Variants in TENM3 observed in about 807,000 individuals in gnomAD.
The protein encoded by TENM3 is teneurin transmembrane protein 3, also known as teneurin-3.
Under a neutral mutation model 255.1 loss-of-function variants are expected in TENM3, and 63 were observed. The ratio of observed to expected loss-of-function variants is 0.25; its 90% confidence interval spans 0.20 to 0.30. The LOEUF is 0.30. Ranked by LOEUF, TENM3 falls within the 10% of genes least tolerant of loss-of-function variation. The pLI, the probability that TENM3 is intolerant of heterozygous loss-of-function variation, is 1.00. For synonymous variants in TENM3, 1,306 were observed against 1,322.3 expected, an observed-to-expected ratio of 0.99 and a Z score of 0.27; for missense variants, 2,929 against 3,461.1, an observed-to-expected ratio of 0.85 and a Z score of 3.86.
At chr4:181,603,125 G>T in the TENM3 span, among the ~76,000 whole-genome samples, 3 of 152,170 alleles carry the variant, frequency 2.0e-5, no homozygotes, top group African/African-American at 7.2e-5. Context: ...CCTAGGAAAT[G>T]AAGAGGCTCT....
chr4:181,803,456 G>T, the TENM3 span, among the ~76,000 whole-genome samples: 82 of 152,296 alleles, frequency 5.4e-4, no homozygotes, highest in Non-Finnish European at 5.9e-5. Flanking sequence ...GCCTTGAAAT[G>T]ATATTGAACG....
chr4:181,519,550 A>G, the TENM3 span, among the ~76,000 whole-genome samples: 1 of 152,224 alleles, frequency 6.6e-6, no homozygotes, highest in African/African-American at 2.4e-5. Flanking sequence ...TGCTATGATT[A>G]CGATTACTTA....
chr4:182,264,822 A>G (rs1199507507), intron 1 of TENM3, among the ~76,000 whole-genome samples: 1 of 152,214 alleles, frequency 6.6e-6, no homozygotes, highest in African/African-American at 2.4e-5. Flanking sequence ...TTTAAAGAGC[A>G]CTATGGTTAA....
Position 182,793,652 on chromosome 4 carries a change from ACT to A in TENM3, c.6983_6984del (p.Ser2328Ter). The stretch of plus-strand genomic sequence containing the variant: ...ACTGCATATGGGGAAATCTATTTTG[ACT>A]CTAATATTGACTTTCAACTGGTAAT... On this transcript the variant is annotated frameshift_variant, in exon 26 of 28. Coordinates refer to ENST00000511685, the MANE Select transcript of TENM3 (RefSeq NM_001080477.4). LOFTEE classifies it high-confidence loss of function. This position sits in a 1 kb window ranked among gnomAD's most constrained non-coding sequence, Gnocchi z 5.7. 1 of 1,613,820 alleles carries A rather than the reference ACT, an allele frequency of 6.2e-7. No individual in the cohort carries two copies. The highest frequency in any genetic ancestry group is 8.5e-7 in the Non-Finnish European group (1 of 1,179,832).
chr4:181,906,208 C>T, the TENM3 span: 1 of 235,972 alleles, frequency 4.2e-6, no homozygotes. Context: ...CTCAAAATGT[C>T]TGGATTCTCC....
At position 182,578,739 on chromosome 4, in the gene TENM3, G is replaced by A. The variant is rs141277568; in HGVS notation, c.512-22185G>A. 1.5e-3 allele frequency among the ~76,000 whole-genome samples: 223 copies of A among 152,228 alleles called. 2 individuals are homozygous for A. The highest frequency in any genetic ancestry group is 5.2e-3 in the African/African-American group (214 of 41,546). On this transcript the variant is annotated intron_variant, in intron 3 of 27. Coordinates refer to ENST00000511685, the MANE Select transcript of TENM3 (RefSeq NM_001080477.4). The stretch of plus-strand genomic sequence containing the variant: ...ATTTCTTCCCAGGAACCTCTGTGTG[G>A]CCTACCAAATCAGGTACAGATTCTT...
chr4:181,767,195 T>G, the TENM3 span, among the ~76,000 whole-genome samples: 1 of 135,874 alleles, frequency 7.4e-6, no homozygotes, highest in South Asian at 2.3e-4. Context: ...GAGCTTGCAG[T>G]GAGCCGAGAA....
the TENM3 span, among the ~76,000 whole-genome samples, chr4:181,849,747 G>T: frequency 1.3e-5 from 2 of 152,032 alleles, no homozygotes; most frequent in Admixed American, 6.6e-5. Flanking sequence ...TATCTTAGAA[G>T]ATTCTGAAAT....
the TENM3 span, among the ~76,000 whole-genome samples, chr4:181,690,075 A>G: frequency 1.3e-5 from 2 of 152,176 alleles, no homozygotes; most frequent in Admixed American, 6.5e-5. Flanking sequence ...CAGGCACCCA[A>G]TATGGTAACA....
chr4:182,318,535 T>G, intron 1 of TENM3, among the ~76,000 whole-genome samples: 1 of 152,180 alleles, frequency 6.6e-6, no homozygotes. Flanking sequence ...AACCTAAGTT[T>G]AGTGTCCATA....
the TENM3 span, among the ~76,000 whole-genome samples, chr4:181,605,552 A>T: frequency 0.043 from 1,264 of 29,472 alleles, 189 homozygotes; most frequent in East Asian, 0.1. Context: ...GAAAGAAAGA[A>T]AGAAAGAAAG....
the TENM3 span, among the ~76,000 whole-genome samples, chr4:181,848,870 G>C: frequency 2.6e-5 from 4 of 152,072 alleles, no homozygotes; most frequent in Admixed American, 6.5e-5. Flanking sequence ...AGTAATCCAG[G>C]AGCCCCAAAC....
chr4:182,743,086 T>C (rs952833334), intron 18 of TENM3, 84 bp from the exon 19 acceptor site: 33 of 1,408,110 alleles, frequency 2.3e-5, no homozygotes, highest in Non-Finnish European at 3.1e-5. Flanking sequence ...CATTGAATTA[T>C]AGTTAAAACA....
At chr4:181,493,850 G>A in the TENM3 span, among the ~76,000 whole-genome samples, 1 of 152,082 alleles carries the variant, frequency 6.6e-6, no homozygotes, top group Non-Finnish European at 1.5e-5. Flanking sequence ...AAATTAACGT[G>A]CCTATTCAAG....
the TENM3 span, among the ~76,000 whole-genome samples, chr4:181,787,010 A>ACT: frequency 6.6e-6 from 1 of 152,168 alleles, no homozygotes; most frequent in African/African-American, 2.4e-5. Flanking sequence ...GCCCTGTGGC[A>ACT]CTCTCTCATG....
chr4:181,605,585 GA>G, the TENM3 span, among the ~76,000 whole-genome samples: 4 of 5,614 alleles, frequency 7.1e-4, no homozygotes, highest in South Asian at 0.011. Flanking sequence ...AGAAAGAAAG[GA>G]AAGAAAGAAA....
chr4:182,145,932 A>G (rs1414336533), intron 1 of TENM3, among the ~76,000 whole-genome samples: 2 of 152,248 alleles, frequency 1.3e-5, no homozygotes, highest in African/African-American at 2.4e-5. Context: ...CTCTTGTCAA[A>G]AGAAAAAAGG....
chr4:182,077,898 G>A, the TENM3 span, among the ~76,000 whole-genome samples: 1 of 152,102 alleles, frequency 6.6e-6, no homozygotes, highest in African/African-American at 2.4e-5. Flanking sequence ...TTGTTGAGGT[G>A]TGACCTCATA....
At chr4:182,426,007 C>CAAA (rs55836889) in intron 3 of TENM3, among the ~76,000 whole-genome samples, 16 of 90,720 alleles carry the variant, frequency 1.8e-4, no homozygotes, top group Middle Eastern at 6.4e-3. Context: ...GAGTCCATGT[C>CAAA]AAAAAAAAAA....
Sources: allele counts gnomAD v4.1 joint callset (sites outside exome capture counted in the v4.1 genomes callset), GRCh38; gene constraint gnomAD v4.1.1; non-coding constraint Gnocchi (gnomAD v3.1); transcripts MANE v1.5; gene names NCBI Gene and HGNC (gene_info 2026-07-23, HGNC 2026-07-21).